ENPP6: variants seen among roughly 807,000 people sequenced by gnomAD.
ENPP6 encodes glycerophosphocholine cholinephosphodiesterase ENPP6.
Under a neutral mutation model 42.0 loss-of-function variants are expected in ENPP6, and 32 were observed. The observed-to-expected ratio is 0.76, with a 90% CI of 0.58 to 1.02. The LOEUF is 1.02. Among genes scored for constraint, ENPP6 ranks in the 50% least tolerant of loss-of-function variants. ENPP6 has a pLI of 0.00. For synonymous variants in ENPP6, 213 were observed against 216.0 expected (o/e 0.99, Z 0.12); for missense variants, 552 against 566.8 (o/e 0.97, Z 0.27).
At chr4:184,202,510 T>G (rs1579663731) in intron 1 of ENPP6, among the ~76,000 whole-genome samples, 1 of 152,118 alleles carries the variant, frequency 6.6e-6, no homozygotes, top group South Asian at 2.1e-4. Flanking sequence ...TGACACACTC[T>G]ATTCTCTGCA....
chr4:184,194,831 G>A (rs1009612421), intron 1 of ENPP6, among the ~76,000 whole-genome samples: 2 of 152,190 alleles, frequency 1.3e-5, no homozygotes, highest in Non-Finnish European at 1.5e-5. Flanking sequence ...GGAGACACAT[G>A]GACTGGCACA....
chr4:184,144,677 G>A (rs868742136), intron 2 of ENPP6, among the ~76,000 whole-genome samples: 1 of 152,210 alleles, frequency 6.6e-6, no homozygotes. Flanking sequence ...TGCTACCAGC[G>A]CCTGCTCCAG....
intron 1 of ENPP6, among the ~76,000 whole-genome samples, chr4:184,182,647 A>G (rs1732571130): frequency 6.6e-6 from 1 of 152,268 alleles, no homozygotes; most frequent in Non-Finnish European, 1.5e-5. Flanking sequence ...AAAACATGGT[A>G]CATATACACC....
chr4:184,107,872 G>A (rs565371120), intron 6 of ENPP6, among the ~76,000 whole-genome samples: 10 of 149,704 alleles, frequency 6.7e-5, no homozygotes, highest in East Asian at 3.9e-4. Flanking sequence ...CCGAGATCCC[G>A]CCATTACCCT....
At chr4:184,114,756 G>C (rs1736285570) in intron 5 of ENPP6, among the ~76,000 whole-genome samples, 1 of 124,882 alleles carries the variant, frequency 8.0e-6, no homozygotes, top group Non-Finnish European at 1.7e-5. Context: ...ACACAAGGAT[G>C]ATCTTTCTTG....
At chr4:184,198,137 C>T (rs1420041468) in intron 1 of ENPP6, among the ~76,000 whole-genome samples, 1 of 152,228 alleles carries the variant, frequency 6.6e-6, no homozygotes, top group East Asian at 1.9e-4. Flanking sequence ...AGTGCAACCT[C>T]AGCCAACAGA....
intron 6 of ENPP6, among the ~76,000 whole-genome samples, chr4:184,110,840 T>C (rs1198350343): frequency 6.6e-6 from 1 of 152,226 alleles, no homozygotes; most frequent in African/African-American, 2.4e-5. Flanking sequence ...GGCTGTGATT[T>C]ATGACCAAGA....
intron 2 of ENPP6, among the ~76,000 whole-genome samples, chr4:184,145,312 C>T (rs1017303774): frequency 6.6e-6 from 1 of 152,212 alleles, no homozygotes; most frequent in Non-Finnish European, 1.5e-5. Context: ...TCCCTGCCTC[C>T]TTTTCTTTCT....
chr4:184,117,114 G>C (rs534945537), intron 4 of ENPP6, 79 bp from the exon 5 acceptor site: 15 of 1,536,408 alleles, frequency 9.8e-6, no homozygotes, highest in Admixed American at 5.2e-5. Flanking sequence ...AACTACAAAT[G>C]ATAGGAGAAA....
At chr4:184,182,271 C>T (rs1732566506) in intron 1 of ENPP6, among the ~76,000 whole-genome samples, 1 of 152,086 alleles carries the variant, frequency 6.6e-6, no homozygotes, top group African/African-American at 2.4e-5. Context: ...AGCTCAACAT[C>T]ACTGATCATT....
At chr4:184,107,515 G>T (rs1392852511) in intron 6 of ENPP6, among the ~76,000 whole-genome samples, 1 of 152,216 alleles carries the variant, frequency 6.6e-6, no homozygotes, top group Non-Finnish European at 1.5e-5. Flanking sequence ...CTGGATGACT[G>T]TGTGTAATCC....
In ENPP6 at chr4:184,217,859, C is replaced by A; in HGVS notation, c.-40G>T. 1.9e-6 allele frequency: 3 copies of A among 1,599,778 alleles called. No homozygotes were observed. The South Asian group carries it at 3.4e-5, about 18-fold the overall frequency. On this transcript the variant is annotated 5_prime_UTR_variant, in exon 1 of 8. Transcript: ENST00000296741. The stretch of plus-strand genomic sequence containing the variant: ...GCCAGAGCCCGGCTGGCACAGCTGT[C>A]GCCTTGCAAAGACTGAGGATGGAGA...
chr4:184,198,691 A>C lies in ENPP6; in HGVS notation c.241+18888T>G, dbSNP rs1921565. Among the ~76,000 whole-genome samples the C allele has an allele frequency of 3.9e-5, 6 of 152,174 alleles. No individual in the cohort carries two copies. The East Asian group carries it at 9.6e-4, about 24-fold the overall frequency. On this transcript the variant is annotated intron_variant, in intron 1 of 7. Transcript: ENST00000296741. ...GTGAATGTATTTCCCTAAATCACAA[A>C]TGGGGATTTAATCAATATTGAACAA...
At chr4:184,200,286 C>T (rs1024738513) in intron 1 of ENPP6, among the ~76,000 whole-genome samples, 15 of 152,204 alleles carry the variant, frequency 9.9e-5, no homozygotes, top group Admixed American at 2.6e-4. Flanking sequence ...CAAGGACGTC[C>T]GGACCCACTC....
intron 1 of ENPP6, among the ~76,000 whole-genome samples, chr4:184,204,388 G>C (rs1732957445): frequency 1.3e-5 from 2 of 152,186 alleles, no homozygotes; most frequent in African/African-American, 2.4e-5. Flanking sequence ...GAAAACACAA[G>C]AGTGGCCGTG....
At chr4:184,104,564 C>T (rs769565480) in intron 6 of ENPP6, among the ~76,000 whole-genome samples, 20 of 152,224 alleles carry the variant, frequency 1.3e-4, no homozygotes, top group Non-Finnish European at 1.6e-4. Flanking sequence ...TGCCCTTGGA[C>T]TGTAGCTCTG....
Position 184,091,351 on chromosome 4 carries a change from G to C in ENPP6, c.1149C>G (p.Ile383Met). The change falls in exon 8 of 8, where the codon ATC (isoleucine) becomes ATG (methionine). Residue 383 changes from isoleucine (I) to methionine (M), a missense_variant. By Grantham distance (10) the Ile-to-Met change is conservative (BLOSUM62 1). This residue lies in a region of ENPP6 where 545 missense variants were observed against 546.3 expected (regional missense o/e 1.00). Coordinates refer to ENST00000296741, the MANE Select transcript of ENPP6 (RefSeq NM_153343.4). ...DFKSNFRAAP[I>M]RSVDVYNVMC... is the part of the protein sequence containing the mutation. ...TGACATTGTAGACGTCCACCGACCT[G>C]ATAGGAGCAGCTCTGAAGTTGGATT... 6.2e-7 allele frequency: 1 copy of C among 1,611,620 alleles called. No individual in the cohort carries two copies. Among genetic ancestry groups the C allele is most frequent in the Non-Finnish European group, 8.5e-7 (1 of 1,179,278 alleles).
At chr4:184,093,794 G>C (rs1735850614) in intron 7 of ENPP6, among the ~76,000 whole-genome samples, 2 of 152,084 alleles carry the variant, frequency 1.3e-5, no homozygotes, top group African/African-American at 4.8e-5. Flanking sequence ...CCTATCCGAG[G>C]AATCAAGTGC....
chr4:184,106,443 C>T (rs1235434702), intron 6 of ENPP6, among the ~76,000 whole-genome samples: 1 of 152,226 alleles, frequency 6.6e-6, no homozygotes, highest in African/African-American at 2.4e-5. Context: ...CAGCTCCCCA[C>T]ACTTGGCCAC....
Sources: gnomAD v4.1 joint callset for allele counts (sites outside exome capture counted in the v4.1 genomes callset) on GRCh38, gnomAD v4.1.1 for gene constraint, gnomAD v4.1.1 regional missense constraint, MANE v1.5 for transcripts, NCBI Gene and HGNC (gene_info 2026-07-23, HGNC 2026-07-21) for gene names.